Variants in CFAP74 observed in about 807,000 individuals in gnomAD.
CFAP74 encodes cilia- and flagella-associated protein 74.
Under a neutral mutation model 188.9 loss-of-function variants are expected in CFAP74, and 124 were observed. That is an observed-to-expected ratio of 0.66 (90% CI 0.57 to 0.76). CFAP74 has a LOEUF of 0.76. CFAP74 is among the 30% of genes least tolerant of loss of function. CFAP74 has a pLI of 0.00. For synonymous variants in CFAP74, 956 were observed against 916.7 expected (o/e 1.04, Z -0.77); for missense variants, 2,198 against 2,165.2 (o/e 1.02, Z -0.30).
intron 11 of CFAP74, among the ~76,000 whole-genome samples, chr1:1,966,931 G>T (rs939353250): frequency 6.6e-6 from 1 of 151,538 alleles, no homozygotes; most frequent in Non-Finnish European, 1.5e-5. Flanking sequence ...CTATCTCCCG[G>T]GTTCACATGA....
rs764162736 is a variant in CFAP74, at chr1:1,930,245, C to T, written c.3103G>A (p.Asp1035Asn). 17 of 1,535,630 alleles carry T rather than the reference C, an allele frequency of 1.1e-5. No homozygotes were observed. Among genetic ancestry groups the T allele is most frequent in the South Asian group, 4.8e-5 (4 of 84,044 alleles). ...QIKFAATALY[D>N]TSVATVYVIN... is the part of the protein sequence containing the mutation. ...ACGTACACTGTAGCCACGGAGGTGT[C>T]GTATAGGGCCGTGGCGGCAAACTTG... is the stretch of plus-strand genomic sequence containing the variant. The change falls in exon 26 of 39, where the codon GAC (aspartate) becomes AAC (asparagine). Residue 1035 changes from aspartate (D) to asparagine (N), a missense_variant. By Grantham distance (23) the Asp-to-Asn change is conservative. Coordinates refer to ENST00000682832, the MANE Select transcript of CFAP74 (RefSeq NM_001304360.2).
chr1:1,939,527 G>A (rs1653210825), intron 24 of CFAP74, 67 bp downstream of exon 24: 13 of 1,437,226 alleles, frequency 9.0e-6, no homozygotes, highest in Non-Finnish European at 1.2e-5. Context: ...AGCAGTGGCC[G>A]CTGCATCCTG....
At chr1:1,926,544 C>T (rs749912853) in intron 30 of CFAP74, 32 bp from the exon 31 acceptor site, 1 of 1,549,476 alleles carries the variant, frequency 6.5e-7, no homozygotes, top group Non-Finnish European at 8.7e-7. Flanking sequence ...CAGGCCCCAG[C>T]CCCAGGCCCC....
At chr1:1,922,463 C>G in intron 38 of CFAP74, 75 bp from the exon 39 acceptor site, 1 of 1,539,352 alleles carries the variant, frequency 6.5e-7, no homozygotes. Context: ...CTTCCCACTG[C>G]CCTGCCCACC....
chr1:1,985,187 C>T, intron 6 of CFAP74, 199 bp downstream of exon 6: 1 of 538,390 alleles, frequency 1.9e-6, no homozygotes, highest in Non-Finnish European at 3.4e-6. Flanking sequence ...GGAACATAAA[C>T]AAACCCAGAG....
intron 1 of CFAP74, among the ~76,000 whole-genome samples, chr1:1,993,244 T>C (rs1657702228): frequency 6.6e-6 from 1 of 151,550 alleles, no homozygotes; most frequent in South Asian, 2.1e-4. Flanking sequence ...TCACAAACTC[T>C]TTACTTATTT....
At chr1:2,001,365 T>C (rs1658195891) in intron 1 of CFAP74, among the ~76,000 whole-genome samples, 1 of 151,624 alleles carries the variant, frequency 6.6e-6, no homozygotes, top group South Asian at 2.1e-4. Flanking sequence ...AGTCTCGCTC[T>C]GTCGCCCAGG....
intron 25 of CFAP74, among the ~76,000 whole-genome samples, chr1:1,936,564 AAAAAAAG>A (rs1427147639): frequency 2.6e-5 from 4 of 151,904 alleles, no homozygotes; most frequent in African/African-American, 7.3e-5. Flanking sequence ...CAAAAAAAGA[AAAAAAAG>A]AAAAAAGAAA....
chr1:1,928,648 C>T (rs2748983), intron 27 of CFAP74, 136 bp downstream of exon 27: 345,395 of 622,448 alleles, frequency 0.55, 97,185 homozygotes, highest in Admixed American at 0.63. Context: ...CAGCTCGACA[C>T]GTGCATTGCT....
rs1352902836 is a variant in CFAP74 at position 1,934,709 on chromosome 1, G to A, written c.3011+4146C>T. Among the ~76,000 whole-genome samples the A allele has an allele frequency of 2.1e-4, 29 of 138,528 alleles. 1 individual carries two copies. The highest frequency in any genetic ancestry group is 2.5e-4 in the South Asian group (1 of 4,024). 90.9% of individuals were successfully genotyped at this position (138,528 alleles called of 152,430 possible). ...AGGCTGTAGGTACACAGGTGTGTAC[G>A]TGGGTGTTAGGCTGTAGGTACACAC... is the stretch of plus-strand genomic sequence containing the variant. On this transcript the variant is annotated intron_variant, in intron 25 of 38. Transcript: ENST00000682832.
intron 21 of CFAP74, among the ~76,000 whole-genome samples, chr1:1,943,181 C>T: frequency 6.6e-6 from 1 of 152,234 alleles, no homozygotes; most frequent in East Asian, 1.9e-4. Context: ...CGGAGACCAT[C>T]CACAGAGCTG....
intron 1 of CFAP74, among the ~76,000 whole-genome samples, chr1:1,994,025 C>T (rs2889540): frequency 0.75 from 112,915 of 151,560 alleles, 43,480 homozygotes; most frequent in Middle Eastern, 0.86. Flanking sequence ...TGTAGCCAGG[C>T]GTGGTGGTGG....
At position 1,960,018 on chromosome 1, in the gene CFAP74, AG is replaced by A; in HGVS notation, c.1706del (p.Pro569LeufsTer19). On this transcript the variant is annotated frameshift_variant, in exon 15 of 39. Transcript: ENST00000682832. LOFTEE classifies it high-confidence loss of function. The part of the protein sequence containing the change: ...RDFIHVDFDP[P>X]GPLSAGMSCE... ...AGGACATTCCGGCTGACAGGGGGCCAGGGGGGTCAAAGCTGCAGGACGTGAC... is the reference window on the plus strand; with the variant it reads ...AGGACATTCCGGCTGACAGGGGGCCAGGGGGTCAAAGCTGCAGGACGTGAC... 1.9e-6 allele frequency: 3 copies of A among 1,592,060 alleles called. No individual in the cohort carries two copies. Among genetic ancestry groups the A allele is most frequent in the Non-Finnish European group, 2.6e-6 (3 of 1,171,432 alleles).
chr1:1,927,837 C>A (rs1036406828), intron 27 of CFAP74, 91 bp from the exon 28 acceptor site: 36 of 1,405,088 alleles, frequency 2.6e-5, no homozygotes, highest in Non-Finnish European at 3.2e-5. Flanking sequence ...GTGCGGGAAC[C>A]GCGGGAGCCG....
rs540678351 is a variant in CFAP74, at chr1:1,962,762, G to A, written c.1694+987C>T. Among the ~76,000 whole-genome samples the A allele has an allele frequency of 7.2e-5, 11 of 152,194 alleles. No individual in the cohort carries two copies. In the South Asian group the frequency reaches 2.3e-3, roughly 32 times the overall value. On this transcript the variant is annotated intron_variant, in intron 14 of 38. Transcript: ENST00000682832. ...TAGCCGGGCTTGGTGGCACACAGCTGTGGTCCCAGTTACTCAGGAGGCTGA... is the reference window on the plus strand; with the variant it reads ...TAGCCGGGCTTGGTGGCACACAGCTATGGTCCCAGTTACTCAGGAGGCTGA...
chr1:1,958,975 GA>G (rs2102064497), intron 16 of CFAP74, 144 bp downstream of exon 16: 1 of 621,438 alleles, frequency 1.6e-6, no homozygotes, highest in African/African-American at 1.8e-5. Context: ...GCTGTTGGAA[GA>G]AGGGGCTCAG....
chr1:1,960,785 G>T (rs879600468), intron 14 of CFAP74, among the ~76,000 whole-genome samples: 6 of 152,244 alleles, frequency 3.9e-5, no homozygotes, highest in Non-Finnish European at 7.3e-5. Flanking sequence ...CAGAGCCCGG[G>T]ATGGAGCTGC....
At chr1:1,965,493 C>T (rs952274572) in intron 12 of CFAP74, among the ~76,000 whole-genome samples, 2 of 152,200 alleles carry the variant, frequency 1.3e-5, no homozygotes, top group African/African-American at 4.8e-5. Context: ...TGAAAAGCCG[C>T]TTCCCTGGCC....
intron 17 of CFAP74, 124 bp from the exon 18 acceptor site, chr1:1,955,974 C>T: frequency 6.9e-7 from 1 of 1,441,646 alleles, no homozygotes; most frequent in Non-Finnish European, 9.1e-7. Flanking sequence ...CGTGGCCCCT[C>T]AGCTGCCTCC....
Sources: allele counts gnomAD v4.1 joint callset (sites outside exome capture counted in the v4.1 genomes callset), GRCh38; gene constraint gnomAD v4.1.1; transcripts MANE v1.5; gene names NCBI Gene and HGNC (gene_info 2026-07-23, HGNC 2026-07-21).